Variants in KCNIP4 observed in about 807,000 individuals in gnomAD.
KCNIP4 encodes potassium voltage-gated channel interacting protein 4, also known as Kv channel-interacting protein 4.
A neutral mutation model predicts 34.0 loss-of-function variants in KCNIP4; 12 were observed. The observed-to-expected ratio is 0.35, with a 90% CI of 0.23 to 0.57. The LOEUF is 0.57. KCNIP4 is among the 20% of genes least tolerant of loss of function. KCNIP4 has a pLI of 0.83. For missense variants in KCNIP4, 238 were observed against 311.7 expected, an observed-to-expected ratio of 0.76 and a Z score of 1.78; for synonymous variants, 124 against 102.2, an observed-to-expected ratio of 1.21 and a Z score of -1.29.
intron 1 of KCNIP4, among the ~76,000 whole-genome samples, chr4:21,648,172 C>T (rs1173072563): frequency 2.6e-5 from 4 of 151,944 alleles, no homozygotes; most frequent in East Asian, 3.9e-4. Context: ...CGCGCCTGGC[C>T]TACAATGATA....
intron 1 of KCNIP4, among the ~76,000 whole-genome samples, chr4:21,622,827 A>G (rs1004608142): frequency 6.6e-6 from 1 of 152,176 alleles, no homozygotes; most frequent in African/African-American, 2.4e-5. Context: ...TAACACCTGA[A>G]TTGTCAGGGC....
At chr4:21,447,530 C>G (rs1031798124) in intron 1 of KCNIP4, among the ~76,000 whole-genome samples, 2 of 152,144 alleles carry the variant, frequency 1.3e-5, no homozygotes, top group African/African-American at 4.8e-5. Context: ...GGATACATTC[C>G]AAGCCCCCTA....
At chr4:20,852,064 T>A (rs1010630044) in intron 2 of KCNIP4, among the ~76,000 whole-genome samples, 1 of 151,972 alleles carries the variant, frequency 6.6e-6, no homozygotes, top group Non-Finnish European at 1.5e-5. Context: ...ACTCTCAGAA[T>A]GGAAGGACAT....
At chr4:21,226,393 G>A (rs1029336579) in intron 1 of KCNIP4, among the ~76,000 whole-genome samples, 292 of 108,412 alleles carry the variant, frequency 2.7e-3, no homozygotes, top group African/African-American at 0.015. Context: ...GAAATAATTC[G>A]GTGTCCTGCC....
intron 1 of KCNIP4, among the ~76,000 whole-genome samples, chr4:21,180,840 C>T (rs1754788305): frequency 6.6e-6 from 1 of 151,548 alleles, no homozygotes. Flanking sequence ...GAATACAATA[C>T]TATGTGAATA....
intron 1 of KCNIP4, among the ~76,000 whole-genome samples, chr4:21,323,144 GTATA>G (rs747961833): frequency 1.3e-5 from 1 of 77,894 alleles, no homozygotes; most frequent in Non-Finnish European, 2.5e-5. Flanking sequence ...TCTTTTGTAA[GTATA>G]TATATATATA....
intron 3 of KCNIP4, among the ~76,000 whole-genome samples, chr4:20,838,227 G>A (rs928523833): frequency 3.3e-5 from 5 of 152,156 alleles, no homozygotes; most frequent in Admixed American, 6.5e-5. Flanking sequence ...AATCTCAAAG[G>A]GTTCATAAGA....
chr4:20,997,286 A>G (rs1318399347), intron 1 of KCNIP4, among the ~76,000 whole-genome samples: 2 of 152,230 alleles, frequency 1.3e-5, no homozygotes, highest in African/African-American at 4.8e-5. Flanking sequence ...GGTCTATACC[A>G]GATGTCCTAT....
intron 1 of KCNIP4, among the ~76,000 whole-genome samples, chr4:21,644,078 T>TA (rs5856655): frequency 1.5e-4 from 22 of 151,042 alleles, no homozygotes; most frequent in Admixed American, 3.3e-4. Flanking sequence ...GTCCTGGTTT[T>TA]AAAAAAAAAA....
At chr4:21,821,592 A>G (rs1443524553) in intron 1 of KCNIP4, among the ~76,000 whole-genome samples, 5 of 152,142 alleles carry the variant, frequency 3.3e-5, no homozygotes, top group African/African-American at 1.2e-4. Context: ...CATATTATGA[A>G]AATGTTTTAG....
chr4:20,858,779 A>G (rs1721893900), intron 2 of KCNIP4, among the ~76,000 whole-genome samples: 1 of 152,182 alleles, frequency 6.6e-6, no homozygotes, highest in Non-Finnish European at 1.5e-5. Context: ...GTGGTTGTAT[A>G]TTATCCCATT....
chr4:21,881,333 T>C (rs1035722228), intron 1 of KCNIP4, among the ~76,000 whole-genome samples: 6 of 152,152 alleles, frequency 3.9e-5, no homozygotes, highest in Admixed American at 6.6e-5. Flanking sequence ...TTCTTCCTAA[T>C]GTTAATATGT....
chr4:20,928,026 ATTACT>A (rs916404192), intron 1 of KCNIP4, among the ~76,000 whole-genome samples: 2 of 152,126 alleles, frequency 1.3e-5, no homozygotes, highest in Non-Finnish European at 2.9e-5. Flanking sequence ...ATAAAAGCAA[ATTACT>A]TTATGGATAT....
chr4:21,812,585 C>A (rs1721726720), intron 1 of KCNIP4, among the ~76,000 whole-genome samples: 1 of 152,170 alleles, frequency 6.6e-6, no homozygotes, highest in African/African-American at 2.4e-5. Context: ...CTTGTACATG[C>A]ATGAAGCTGT....
In KCNIP4 at chr4:21,485,853, C is replaced by T. The variant is rs1465723720; in HGVS notation, c.61+462718G>A. 3.3e-5 allele frequency among the ~76,000 whole-genome samples: 5 copies of T among 152,164 alleles called. No homozygotes were observed. The East Asian group carries it at 9.6e-4, about 29-fold the overall frequency. On this transcript the variant is annotated intron_variant, in intron 1 of 8. Coordinates refer to ENST00000382152, the MANE Select transcript of KCNIP4 (RefSeq NM_025221.6). The stretch of plus-strand genomic sequence containing the variant: ...TCCCTAATGTCTAACGAACGACCGT[C>T]ATAAAGTAGCCACTTCACCAAGGAG...
At chr4:21,642,570 C>A (rs1469459435) in intron 1 of KCNIP4, among the ~76,000 whole-genome samples, 3 of 152,146 alleles carry the variant, frequency 2.0e-5, no homozygotes, top group Admixed American at 2.0e-4. Flanking sequence ...GCTCTATTTA[C>A]TATTACAACT....
chr4:21,685,157 A>G (rs1750709403), intron 1 of KCNIP4, among the ~76,000 whole-genome samples: 1 of 152,186 alleles, frequency 6.6e-6, no homozygotes, highest in Non-Finnish European at 1.5e-5. Flanking sequence ...ACATTTTAAA[A>G]TCAATAGAAA....
intron 1 of KCNIP4, among the ~76,000 whole-genome samples, chr4:21,529,664 A>C (rs1736508693): frequency 6.6e-6 from 1 of 152,166 alleles, no homozygotes; most frequent in Admixed American, 6.5e-5. Context: ...ATTCCATTTC[A>C]GGATATAAGC....
At chr4:21,194,114 G>T (rs1321093283) in intron 1 of KCNIP4, among the ~76,000 whole-genome samples, 1 of 152,070 alleles carries the variant, frequency 6.6e-6, no homozygotes, top group African/African-American at 2.4e-5. Flanking sequence ...TATCAAGTGG[G>T]TTTTGTTTTC....
Sources: allele counts gnomAD v4.1 joint callset (sites outside exome capture counted in the v4.1 genomes callset), GRCh38; gene constraint gnomAD v4.1.1; transcripts MANE v1.5; gene names NCBI Gene and HGNC (gene_info 2026-07-23, HGNC 2026-07-21).